CAPS2: variants seen among roughly 807,000 people sequenced by gnomAD.
The protein encoded by CAPS2 is calcyphosin-2.
In CAPS2, 98 loss-of-function variants were observed where a neutral mutation model predicts 86.5. That is an observed-to-expected ratio of 1.13 (90% CI 0.96 to 1.34). The LOEUF is 1.34. CAPS2 is among the 40% of genes most tolerant of loss of function. CAPS2 has a pLI of 0.00. For missense variants in CAPS2, 729 were observed against 686.8 expected (o/e 1.06, Z -0.69); for synonymous variants, 210 against 225.1 (o/e 0.93, Z 0.60).
chr12:75,330,468 T>C (rs899290174), upstream of CAPS2, among the ~76,000 whole-genome samples: 2 of 152,222 alleles, frequency 1.3e-5, no homozygotes, highest in Non-Finnish European at 2.9e-5. Flanking sequence ...CTGTTTAACA[T>C]ATTTCATAAG....
intron 1 of CAPS2, among the ~76,000 whole-genome samples, chr12:75,356,161 A>G (rs2043143536): frequency 6.6e-6 from 1 of 152,192 alleles, no homozygotes; most frequent in African/African-American, 2.4e-5. Flanking sequence ...TAATTTAAAA[A>G]AAGAAAAAGA....
intron 1 of CAPS2, among the ~76,000 whole-genome samples, chr12:75,362,771 A>G (rs1185902881): frequency 6.6e-6 from 1 of 152,170 alleles, no homozygotes; most frequent in Non-Finnish European, 1.5e-5. Context: ...TCATACTTAA[A>G]TATTACTTAT....
chr12:75,349,771 T>G (rs2139421979), intron 1 of CAPS2, among the ~76,000 whole-genome samples: 1 of 152,248 alleles, frequency 6.6e-6, no homozygotes, highest in East Asian at 1.9e-4. Flanking sequence ...AGTTCAAGAC[T>G]GCAGTGAGCC....
At chr12:75,372,723 T>C (rs2044441348) in intron 1 of CAPS2, among the ~76,000 whole-genome samples, 1 of 152,154 alleles carries the variant, frequency 6.6e-6, no homozygotes, top group South Asian at 2.1e-4. Context: ...TTGGCGTAAT[T>C]ATGACTTCAA....
At chr12:75,325,397 C>A in intron 1 of CAPS2, 109 bp from the exon 3 acceptor site, 1 of 909,288 alleles carries the variant, frequency 1.1e-6, no homozygotes, top group South Asian at 2.1e-5. Context: ...TAATTTTTCT[C>A]AGTAAATTCT....
chr12:75,289,336 T>C (rs1327429229), intron 14 of CAPS2, among the ~76,000 whole-genome samples: 1 of 152,192 alleles, frequency 6.6e-6, no homozygotes, highest in Non-Finnish European at 1.5e-5. Flanking sequence ...ACTGAATACA[T>C]ATTTTGTTTT....
intron 1 of CAPS2, chr12:75,367,065 T>G (rs1222190123): frequency 2.9e-6 from 2 of 699,248 alleles, no homozygotes; most frequent in Non-Finnish European, 5.2e-6. Context: ...CTCACAAAAA[T>G]GCACAGACAA....
At chr12:75,306,100 A>G (rs2138678826) in intron 7 of CAPS2, 1 of 1,374,116 alleles carries the variant, frequency 7.3e-7, no homozygotes, top group Non-Finnish European at 1.0e-6. Flanking sequence ...CCCTGGAAGA[A>G]GCACTCCACC....
intron 1 of CAPS2, among the ~76,000 whole-genome samples, chr12:75,367,799 T>A (rs1284239304): frequency 4.6e-5 from 7 of 152,104 alleles, no homozygotes; most frequent in Non-Finnish European, 1.0e-4. Flanking sequence ...ATTTCACAAA[T>A]ATTAACAGAT....
At chr12:75,333,420 C>G (rs542638557), upstream of CAPS2, among the ~76,000 whole-genome samples, 1 of 151,998 alleles carries the variant, frequency 6.6e-6, no homozygotes, top group South Asian at 2.1e-4. Context: ...ATTGATTTAT[C>G]TATCTGTATA....
chr12:75,388,062 C>T (rs1272311231), intron 1 of CAPS2, among the ~76,000 whole-genome samples: 2 of 152,132 alleles, frequency 1.3e-5, no homozygotes, highest in African/African-American at 2.4e-5. Context: ...TTGTAATAAT[C>T]CCCACGTGTC....
upstream of CAPS2, among the ~76,000 whole-genome samples, chr12:75,330,595 TTATA>T (rs1475236113): frequency 6.6e-6 from 1 of 152,204 alleles, no homozygotes; most frequent in Non-Finnish European, 1.5e-5. Context: ...CTGTAATATA[TTATA>T]TAGAGATACA....
intron 1 of CAPS2, chr12:75,371,460 A>C (rs1007294940): frequency 1.4e-5 from 5 of 354,866 alleles, no homozygotes; most frequent in African/African-American, 6.5e-5. Flanking sequence ...TCACAGACAC[A>C]CCCAGGAACA....
chr12:75,322,338 G>A (rs2040384133), intron 4 of CAPS2, among the ~76,000 whole-genome samples: 1 of 152,092 alleles, frequency 6.6e-6, no homozygotes, highest in Non-Finnish European at 1.5e-5. Context: ...CCTAGGGAGG[G>A]ACAGGCACTC....
chr12:75,363,102 A>G, intron 1 of CAPS2: 1 of 1,527,500 alleles, frequency 6.5e-7, no homozygotes, highest in Middle Eastern at 1.8e-4. Context: ...TTTTTTACAG[A>G]GGAAATTTTG....
At position 75,339,282 on chromosome 12, in the gene CAPS2, TA is replaced by T. The variant is rs566611259; in HGVS notation, c.-394-16061del. 3.7e-3 allele frequency among the ~76,000 whole-genome samples: 568 copies of T among 152,310 alleles called. 5 individuals are homozygous for T. Among genetic ancestry groups the T allele is most frequent in the African/African-American group, 0.013 (551 of 41,564 alleles). ...CAGCACCTGTTTCTGGACTTTTTAA[TA>T]ATTGCCATTCTGAGTGGCCTAAGAT... On this transcript the variant is annotated intron_variant, in intron 1 of 5. Transcript: ENST00000551829.
At chr12:75,331,819 TC>T (rs1248828227), upstream of CAPS2, among the ~76,000 whole-genome samples, 2 of 152,128 alleles carry the variant, frequency 1.3e-5, no homozygotes, top group East Asian at 3.9e-4. Flanking sequence ...CCCCTCGGCC[TC>T]CCAAAGTGCT....
At chr12:75,352,189 C>T (rs2042860007) in intron 1 of CAPS2, among the ~76,000 whole-genome samples, 1 of 152,086 alleles carries the variant, frequency 6.6e-6, no homozygotes, top group South Asian at 2.1e-4. Flanking sequence ...GCCTAAAGGC[C>T]CCATATAAAA....
At chr12:75,291,480 CATATAT>C (rs556770226) in intron 13 of CAPS2, among the ~76,000 whole-genome samples, 1,424 of 18,536 alleles carry the variant, frequency 0.077, 42 homozygotes, top group East Asian at 0.12. Flanking sequence ...ACAATAAAAG[CATATAT>C]ATATATATAT....
Sources: allele counts gnomAD v4.1 joint callset (sites outside exome capture counted in the v4.1 genomes callset), GRCh38; gene constraint gnomAD v4.1.1; transcripts MANE v1.5; gene names NCBI Gene and HGNC (gene_info 2026-07-23, HGNC 2026-07-21).